The following FBXL13 variants were observed in gnomAD, a reference collection of about 807,000 sequenced individuals.
FBXL13 encodes the protein F-box and leucine-rich repeat protein 13.
FBXL13 carries 67 observed loss-of-function variants against 83.6 expected under a neutral mutation model. The observed-to-expected ratio is 0.80, with a 90% CI of 0.66 to 0.98. The LOEUF (loss-of-function observed/expected upper bound fraction) is 0.98, where lower values mean the gene tolerates loss of function less well. Ranked by LOEUF, FBXL13 falls within the 50% of genes least tolerant of loss-of-function variation. FBXL13 has a pLI of 0.00. For missense variants in FBXL13, 822 were observed against 866.5 expected, an observed-to-expected ratio of 0.95 and a Z score of 0.64; for synonymous variants, 272 against 299.5, an observed-to-expected ratio of 0.91 and a Z score of 0.95.
At chr7:102,897,013 T>TC (rs1228723989) in intron 11 of FBXL13, among the ~76,000 whole-genome samples, 1 of 152,032 alleles carries the variant, frequency 6.6e-6, no homozygotes, top group Non-Finnish European at 1.5e-5. Context: ...GCAGGAATTT[T>TC]TTTTTTTTAA....
In FBXL13 at chr7:103,023,309, A is replaced by C. The variant is rs1273526740; in HGVS notation, c.495+1754T>G. ...CAAAACAAAACAGAACAAAACAAAA[A>C]AAAATACCATTAAAAGAGTGGTGAA... On this transcript the variant is annotated intron_variant, in intron 6 of 19. Transcript: ENST00000313221. Among the ~76,000 whole-genome samples, 6 of 152,152 alleles carry C rather than the reference A, an allele frequency of 3.9e-5. No individual in the cohort carries two copies. The East Asian group carries it at 7.7e-4, about 20-fold the overall frequency.
chr7:102,969,894 A>G (rs1826427908), intron 6 of FBXL13, among the ~76,000 whole-genome samples: 1 of 151,990 alleles, frequency 6.6e-6, no homozygotes, highest in Non-Finnish European at 1.5e-5. Context: ...AGAAAAAAGA[A>G]AAGAAAAGAA....
chr7:102,877,666 C>A (rs1809453811), intron 15 of FBXL13, 73 bp from the exon 17 acceptor site: 1 of 1,485,518 alleles, frequency 6.7e-7, no homozygotes, highest in Admixed American at 2.3e-5. Context: ...CATATAAAAA[C>A]TATCTTGGGA....
intron 6 of FBXL13, among the ~76,000 whole-genome samples, chr7:102,990,049 A>G (rs1829398398): frequency 6.6e-6 from 1 of 152,236 alleles, no homozygotes; most frequent in Non-Finnish European, 1.5e-5. Context: ...CTGGCTTCAC[A>G]TTCATCAAGA....
intron 11 of FBXL13, among the ~76,000 whole-genome samples, chr7:102,911,955 G>A (rs1814757087): frequency 6.6e-6 from 1 of 152,092 alleles, no homozygotes; most frequent in African/African-American, 2.4e-5. Flanking sequence ...CAGGGCATCA[G>A]GATACCACAA....
At chr7:102,927,150 CT>C (rs1818296392) in intron 9 of FBXL13, among the ~76,000 whole-genome samples, 2 of 152,192 alleles carry the variant, frequency 1.3e-5, no homozygotes, top group Non-Finnish European at 2.9e-5. Flanking sequence ...GAATTGCAAG[CT>C]TTGACTGCAA....
chr7:103,013,269 T>C (rs1791855514), intron 6 of FBXL13, among the ~76,000 whole-genome samples: 1 of 152,194 alleles, frequency 6.6e-6, no homozygotes, highest in African/African-American at 2.4e-5. Flanking sequence ...CTGAACTCAA[T>C]GCTTGACCAA....
rs79564587 is a variant in FBXL13, at chr7:103,068,449, A to C, written c.-105+5797T>G. Among the ~76,000 whole-genome samples, 166 of 152,348 alleles carry C rather than the reference A, an allele frequency of 1.1e-3. 1 individual carries two copies. Among genetic ancestry groups the C allele is most frequent in the Middle Eastern group, 6.8e-3 (2 of 294 alleles). The stretch of plus-strand genomic sequence containing the variant: ...TCTCCCTAGGATTTCATATCTGAGT[A>C]GGATGTGGAAAGTCACCATGGTCCA... On this transcript the variant is annotated intron_variant, in intron 1 of 19. Transcript: ENST00000313221.
At chr7:102,931,926 A>G (rs769066510) in exon 9 of FBXL13, 5 of 1,613,742 alleles carry the variant, frequency 3.1e-6, no homozygotes, top group Non-Finnish European at 4.2e-6. Context: ...GCAAGTTCCT[A>G]CAGTGGCCTA....
intron 16 of FBXL13, among the ~76,000 whole-genome samples, chr7:102,859,188 G>C (rs1806459334): frequency 6.6e-6 from 1 of 152,188 alleles, no homozygotes; most frequent in Non-Finnish European, 1.5e-5. Flanking sequence ...GGGAGCAAGA[G>C]ATGTCACCCT....
intron 11 of FBXL13, among the ~76,000 whole-genome samples, chr7:102,911,492 C>T (rs1305496852): frequency 1.3e-5 from 2 of 152,022 alleles, no homozygotes; most frequent in African/African-American, 2.4e-5. Context: ...TGTGATTGGG[C>T]CATTGGCATT....
intron 10 of FBXL13, among the ~76,000 whole-genome samples, chr7:102,915,677 AATAT>A (rs1226529907): frequency 6.6e-6 from 1 of 152,212 alleles, no homozygotes; most frequent in Non-Finnish European, 1.5e-5. Flanking sequence ...CATAAAATAA[AATAT>A]ATAAGATTAC....
At chr7:102,886,349 C>A (rs113513446) in intron 11 of FBXL13, among the ~76,000 whole-genome samples, 1,965 of 152,178 alleles carry the variant, frequency 0.013, 24 homozygotes, top group Non-Finnish European at 0.022. Context: ...TCTAGGGAGA[C>A]CTTTGGAGAC....
intron 16 of FBXL13, among the ~76,000 whole-genome samples, chr7:102,863,949 C>A (rs572383733): frequency 6.6e-6 from 1 of 152,264 alleles, no homozygotes; most frequent in Non-Finnish European, 1.5e-5. Flanking sequence ...AATCTGCCCC[C>A]TCTGCCGCCA....
At position 102,922,702 on chromosome 7, in the gene FBXL13, GT is replaced by G. The variant is rs973456924; in HGVS notation, c.878+3571del. Among the ~76,000 whole-genome samples the G allele has an allele frequency of 2.5e-4, 38 of 152,300 alleles. 1 individual carries two copies. The highest frequency in any genetic ancestry group is 1.4e-3 in the Admixed American group (22 of 15,296). On this transcript the variant is annotated intron_variant, in intron 10 of 19. Transcript: ENST00000313221. Reference sequence around the variant, plus strand: ...AATTAAAGAATGATGACTGGGCGTGGTGGCTCACGCCTATAATCCCAGCACT... The same window carrying G: ...AATTAAAGAATGATGACTGGGCGTGGGGCTCACGCCTATAATCCCAGCACT...
intron 1 of FBXL13, among the ~76,000 whole-genome samples, chr7:103,073,321 AATAATAT>A (rs1799196759): frequency 6.6e-6 from 1 of 152,124 alleles, no homozygotes; most frequent in African/African-American, 2.4e-5. Context: ...TTTTTTACTT[AATAATAT>A]GTGTTGGGAG....
chr7:102,914,012 G>A (rs562042477), intron 10 of FBXL13, among the ~76,000 whole-genome samples: 31 of 152,246 alleles, frequency 2.0e-4, no homozygotes, highest in African/African-American at 6.7e-4. Flanking sequence ...TACCATACGA[G>A]GGCTCGCAGT....
intron 17 of FBXL13, among the ~76,000 whole-genome samples, chr7:102,835,504 A>T (rs1039844091): frequency 6.6e-6 from 1 of 152,042 alleles, no homozygotes; most frequent in African/African-American, 2.4e-5. Context: ...TGCTCAGTAC[A>T]TACTAGTTGG....
intron 6 of FBXL13, among the ~76,000 whole-genome samples, chr7:103,003,247 G>A (rs1158710205): frequency 7.3e-6 from 1 of 137,720 alleles, no homozygotes; most frequent in Non-Finnish European, 1.6e-5. Flanking sequence ...TTCTGTTTAA[G>A]TGTGTTTGTT....
Sources: allele counts gnomAD v4.1 joint callset (sites outside exome capture counted in the v4.1 genomes callset), GRCh38; gene constraint gnomAD v4.1.1; transcripts MANE v1.5; gene names NCBI Gene and HGNC (gene_info 2026-07-23, HGNC 2026-07-21).